The following AGBL1 variants were observed in gnomAD, a reference collection of about 807,000 sequenced individuals.
The protein encoded by AGBL1 is cytosolic carboxypeptidase 4.
A neutral mutation model predicts 118.9 loss-of-function variants in AGBL1; 130 were observed. That is an observed-to-expected ratio of 1.09 (90% confidence interval 0.95 to 1.26). AGBL1 has a LOEUF of 1.26. AGBL1 is among the 50% of genes most tolerant of loss of function. The pLI is 0.00. For missense variants in AGBL1, 1,584 were observed against 1,298.1 expected (o/e 1.22, Z -3.38); for synonymous variants, 555 against 478.9 (o/e 1.16, Z -2.08).
chr15:86,647,920 C>A (rs183128314), intron 21 of AGBL1, among the ~76,000 whole-genome samples: 13 of 152,044 alleles, frequency 8.6e-5, no homozygotes, highest in Non-Finnish European at 1.8e-4. Flanking sequence ...GGTGGAAGAA[C>A]CTTCCAGAGG....
chr15:86,937,420 A>G (rs1451644600), intron 23 of AGBL1, among the ~76,000 whole-genome samples: 2 of 152,366 alleles, frequency 1.3e-5, no homozygotes, highest in South Asian at 4.1e-4. Context: ...CATCAGTCGT[A>G]GACTGGATAA....
At chr15:86,968,477 G>A (rs146734278) in intron 23 of AGBL1, among the ~76,000 whole-genome samples, 3 of 151,874 alleles carry the variant, frequency 2.0e-5, no homozygotes, top group Non-Finnish European at 4.4e-5. Context: ...ATGGCCAGGG[G>A]GATTATCGCA....
At chr15:86,104,849 T>A (rs1896943766) in intron 1 of AGBL1, among the ~76,000 whole-genome samples, 1 of 152,160 alleles carries the variant, frequency 6.6e-6, no homozygotes, top group Middle Eastern at 3.4e-3. Context: ...CAGTGTACGA[T>A]CTCTAGGTAG....
intron 17 of AGBL1, among the ~76,000 whole-genome samples, chr15:86,352,418 G>C (rs113097398): frequency 6.6e-6 from 1 of 151,762 alleles, no homozygotes; most frequent in African/African-American, 2.4e-5. Context: ...GGAATGTTGT[G>C]AATCAACTGG....
chr15:86,826,881 C>G (rs140868372), intron 22 of AGBL1, among the ~76,000 whole-genome samples: 2 of 151,994 alleles, frequency 1.3e-5, no homozygotes, highest in African/African-American at 2.4e-5. Flanking sequence ...ACTTAACTAT[C>G]AGACAAGGAG....
At chr15:86,804,110 G>T (rs780729185) in intron 22 of AGBL1, among the ~76,000 whole-genome samples, 28 of 152,254 alleles carry the variant, frequency 1.8e-4, no homozygotes, top group Non-Finnish European at 2.8e-4. Context: ...ATCATGGGAA[G>T]TGACAGAAAT....
chr15:86,430,375 G>C (rs573979952), intron 18 of AGBL1, among the ~76,000 whole-genome samples: 7 of 151,800 alleles, frequency 4.6e-5, no homozygotes, highest in Non-Finnish European at 7.4e-5. Context: ...GGCACCTGTA[G>C]TACCAGCTAC....
chr15:86,445,691 C>T (rs1465012980), intron 18 of AGBL1, among the ~76,000 whole-genome samples: 2 of 152,194 alleles, frequency 1.3e-5, no homozygotes, highest in African/African-American at 4.8e-5. Context: ...ATTTTTCCCT[C>T]CACCTGACCT....
chr15:86,669,959 C>T (rs572376356), intron 21 of AGBL1, among the ~76,000 whole-genome samples: 1 of 152,074 alleles, frequency 6.6e-6, no homozygotes, highest in South Asian at 2.1e-4. Context: ...AAATCATGCG[C>T]ATTTTTCATA....
intron 21 of AGBL1, among the ~76,000 whole-genome samples, chr15:86,656,737 G>A (rs1396573422): frequency 6.6e-6 from 1 of 151,912 alleles, no homozygotes; most frequent in African/African-American, 2.4e-5. Flanking sequence ...TACACCCCCT[G>A]AGCTCCCTTA....
At position 86,569,658 on chromosome 15, in the gene AGBL1, C is replaced by T. The variant is rs182764800; in HGVS notation, c.2994+15121C>T. Among the ~76,000 whole-genome samples, 18 of 152,116 alleles carry T rather than the reference C, an allele frequency of 1.2e-4. No individual in the cohort carries two copies. The East Asian group carries it at 3.5e-3, about 29-fold the overall frequency. On this transcript the variant is annotated intron_variant, in intron 21 of 22. Coordinates refer to ENST00000614907, the MANE Select transcript of AGBL1 (RefSeq NM_001386094.1). ...TAAAATATTGTCCTCATTCTGTTAC[C>T]CTCAGTTCTATAATGTCTGTCAGCA...
chr15:86,698,803 C>G (rs1567128261), intron 22 of AGBL1, among the ~76,000 whole-genome samples: 1 of 151,654 alleles, frequency 6.6e-6, no homozygotes, highest in Non-Finnish European at 1.5e-5. Context: ...ATTCTGAGAT[C>G]CTGCTGCCAT....
rs1159331777 is a variant in AGBL1 at position 86,107,849 on chromosome 15, CAGAG to C, written c.51+27829_51+27832del. Among the ~76,000 whole-genome samples, 6 of 152,184 alleles carry C rather than the reference CAGAG, an allele frequency of 3.9e-5. No individual in the cohort carries two copies. In the South Asian group the frequency reaches 6.2e-4, roughly 16 times the overall value. ...CAGACTGGCTGCTATTTTGCCCTCT[CAGAG>C]AGCTTCTCAAAGCCTGGTGCATCCA... On this transcript the variant is annotated intron_variant, in intron 1 of 22. Transcript: ENST00000614907.
At chr15:86,282,329 T>C (rs79008971) in intron 16 of AGBL1, among the ~76,000 whole-genome samples, 2,399 of 152,270 alleles carry the variant, frequency 0.016, 67 homozygotes, top group African/African-American at 0.052. Flanking sequence ...TTGTTACTGT[T>C]AACAATATTA....
intron 21 of AGBL1, among the ~76,000 whole-genome samples, chr15:86,651,924 C>T (rs914985161): frequency 6.6e-6 from 1 of 152,074 alleles, no homozygotes; most frequent in Non-Finnish European, 1.5e-5. Context: ...CTACTTCCAC[C>T]AGCATAAAGT....
At chr15:86,470,275 A>G (rs770463444) in intron 18 of AGBL1, among the ~76,000 whole-genome samples, 5 of 152,280 alleles carry the variant, frequency 3.3e-5, no homozygotes, top group Non-Finnish European at 7.4e-5. Context: ...GTCCAATTTT[A>G]TTCTTTTGCA....
chr15:86,440,379 C>A (rs189691599), intron 18 of AGBL1, among the ~76,000 whole-genome samples: 2 of 151,750 alleles, frequency 1.3e-5, no homozygotes, highest in African/African-American at 2.4e-5. Flanking sequence ...TTTGTAAAAG[C>A]CTTTTTAGAT....
chr15:86,747,090 C>T (rs2077768874), intron 22 of AGBL1, among the ~76,000 whole-genome samples: 1 of 152,162 alleles, frequency 6.6e-6, no homozygotes, highest in African/African-American at 2.4e-5. Context: ...CGAGCATATG[C>T]ACCCCAGGAC....
intron 24 of AGBL1, among the ~76,000 whole-genome samples, chr15:87,006,752 C>T (rs560490617): frequency 1.3e-5 from 2 of 152,280 alleles, no homozygotes; most frequent in East Asian, 3.9e-4. Context: ...GCAGAAATCA[C>T]CCGTCTTCTG....
Sources: allele counts gnomAD v4.1 joint callset (sites outside exome capture counted in the v4.1 genomes callset), GRCh38; gene constraint gnomAD v4.1.1; transcripts MANE v1.5; gene names NCBI Gene and HGNC (gene_info 2026-07-23, HGNC 2026-07-21).